The following CCNH variants were observed in gnomAD, a reference collection of about 807,000 sequenced individuals.
CCNH encodes the protein cyclin H.
A neutral mutation model predicts 41.9 loss-of-function variants in CCNH; 31 were observed. That is an observed-to-expected ratio of 0.74 (90% CI 0.56 to 1.00). The LOEUF (loss-of-function observed/expected upper bound fraction) is 1.00, where lower values mean the gene tolerates loss of function less well. CCNH is among the 50% of genes least tolerant of loss of function. The pLI is 0.00. For synonymous variants in CCNH, 138 were observed against 136.1 expected, an observed-to-expected ratio of 1.01 and a Z score of -0.10; for missense variants, 362 against 388.4, an observed-to-expected ratio of 0.93 and a Z score of 0.57.
At chr5:87,383,948 G>A (rs1051850099) in intron 9 of CCNH, among the ~76,000 whole-genome samples, 1 of 151,306 alleles carries the variant, frequency 6.6e-6, no homozygotes, top group Admixed American at 6.6e-5. Flanking sequence ...GTGCTTCTTG[G>A]GCTTTTTTCT....
intron 9 of CCNH, among the ~76,000 whole-genome samples, chr5:87,323,126 A>G (rs1756950163): frequency 6.6e-6 from 1 of 152,200 alleles, no homozygotes; most frequent in African/African-American, 2.4e-5. Flanking sequence ...ATGACTGTGA[A>G]TAAATACAGA....
At chr5:87,331,802 T>C (rs1042980227) in intron 9 of CCNH, among the ~76,000 whole-genome samples, 6 of 152,278 alleles carry the variant, frequency 3.9e-5, no homozygotes, top group Admixed American at 3.9e-4. Context: ...AATTGTATAC[T>C]TTTAGACTGC....
chr5:87,380,099 G>A (rs915919177), upstream of CCNH, among the ~76,000 whole-genome samples: 1 of 152,122 alleles, frequency 6.6e-6, no homozygotes, highest in African/African-American at 2.4e-5. Flanking sequence ...GAGGTTTATA[G>A]TTTCAGATTT....
At chr5:87,352,358 A>G (rs1759336849) in intron 9 of CCNH, among the ~76,000 whole-genome samples, 1 of 151,586 alleles carries the variant, frequency 6.6e-6, no homozygotes, top group Non-Finnish European at 1.5e-5. Flanking sequence ...GTTAAACAAA[A>G]TCTGTCTGGA....
chr5:87,362,883 TTTC>T, intron 9 of CCNH, among the ~76,000 whole-genome samples: 1 of 151,702 alleles, frequency 6.6e-6, no homozygotes, highest in Middle Eastern at 3.4e-3. Flanking sequence ...CTACCCATGG[TTTC>T]TTTTTTTCTT....
chr5:87,386,010 G>A (rs1389554620), intron 9 of CCNH, among the ~76,000 whole-genome samples: 4 of 151,852 alleles, frequency 2.6e-5, no homozygotes, highest in African/African-American at 7.2e-5. Flanking sequence ...AAGTAAATAC[G>A]TTTTAGGCTT....
Position 87,338,536 on chromosome 5 carries a change from A to ATATATATATATATATT in CCNH, c.*91-19640_*91-19639insAATATATATATATATA. The stretch of plus-strand genomic sequence containing the variant: ...ATATATATATATATATATATATAAA[A>ATATATATATATATATT]TTTTTTTTTTTTTTAAGTAGAAATG... On this transcript the variant is annotated intron_variant and NMD_transcript_variant, in intron 9 of 9. Coordinates refer to the CCNH transcript ENST00000645953. Among the ~76,000 whole-genome samples, 105 of 85,174 alleles carry ATATATATATATATATT rather than the reference A, an allele frequency of 1.2e-3. 7 individuals carry two copies. Among genetic ancestry groups the ATATATATATATATATT allele is most frequent in the East Asian group, 4.5e-3 (9 of 2,014 alleles). 55.9% of individuals were successfully genotyped at this position (85,174 alleles called of 152,430 possible).
downstream of CCNH, chr5:87,372,253 T>A (rs1761002936): frequency 3.4e-6 from 5 of 1,486,008 alleles, no homozygotes; most frequent in South Asian, 3.4e-5. Flanking sequence ...CACTTTGCTC[T>A]TTTTATTTTA....
At chr5:87,350,312 C>G (rs1453305334) in intron 9 of CCNH, among the ~76,000 whole-genome samples, 1 of 151,820 alleles carries the variant, frequency 6.6e-6, no homozygotes, top group African/African-American at 2.4e-5. Flanking sequence ...ACATGACAAT[C>G]TGAGTTCTAG....
intron 9 of CCNH, chr5:87,385,322 CA>C: frequency 6.2e-7 from 1 of 1,610,672 alleles, no homozygotes; most frequent in Non-Finnish European, 8.5e-7. Context: ...CCTATTGCTG[CA>C]AGAACACTGA....
chr5:87,373,588 A>G (rs997763813), downstream of CCNH, among the ~76,000 whole-genome samples: 1 of 152,172 alleles, frequency 6.6e-6, no homozygotes, highest in Non-Finnish European at 1.5e-5. Flanking sequence ...CAAGTAGTAT[A>G]TGGCAAGAGA....
intron 8 of CCNH, 60 bp downstream of exon 8, chr5:87,394,977 AACAGTAT>A: frequency 1.2e-6 from 2 of 1,605,818 alleles, no homozygotes; most frequent in South Asian, 2.2e-5. Context: ...AATAAATCTT[AACAGTAT>A]AGTCACACCA....
chr5:87,409,997 C>G (rs1764105457), intron 2 of CCNH, among the ~76,000 whole-genome samples: 1 of 152,108 alleles, frequency 6.6e-6, no homozygotes, highest in African/African-American at 2.4e-5. Flanking sequence ...GAGAAGGAAA[C>G]TGAGTATCAA....
At chr5:87,337,900 T>C in intron 9 of CCNH, 2 of 1,422,260 alleles carry the variant, frequency 1.4e-6, no homozygotes, top group Non-Finnish European at 9.5e-7. Context: ...CTATCCTATT[T>C]TGTGGTATAT....
downstream of CCNH, chr5:87,391,792 TCTGA>T (rs1359893662): frequency 1.5e-4 from 34 of 231,978 alleles, no homozygotes; most frequent in African/African-American, 6.2e-4. Flanking sequence ...TCTTTGAACT[TCTGA>T]CTACTTGTTG....
rs1413047633 is a variant in CCNH at position 87,332,360 on chromosome 5, GATA to G, written c.*91-13466_*91-13464del. ...GCCCCAAGTAATTTACTGTGATGAA[GATA>G]CTAATAAGTGGTATTTTAGTATAAG... On this transcript the variant is annotated intron_variant and NMD_transcript_variant, in intron 9 of 9. Transcript: ENST00000645953. 3.9e-6 allele frequency: 3 copies of G among 759,944 alleles called. No individual in the cohort carries two copies. In the African/African-American group the frequency reaches 5.3e-5, roughly 13 times the overall value. 47.1% of individuals were successfully genotyped at this position (759,944 alleles called of 1,614,324 possible).
rs78423267 is a variant in CCNH at position 87,323,381 on chromosome 5, A to C, written c.*91-4484T>G. On this transcript the variant is annotated intron_variant and NMD_transcript_variant, in intron 9 of 9. Coordinates refer to the CCNH transcript ENST00000645953. The stretch of plus-strand genomic sequence containing the variant: ...TGGGATATAAGCCTATGTATAGTAG[A>C]AAAATGGGCATATTGTGGAGAACTT... Among the ~76,000 whole-genome samples the C allele has an allele frequency of 2.2e-3, 338 of 152,346 alleles. 11 individuals are homozygous for C. The East Asian group carries it at 0.049, about 22-fold the overall frequency.
chr5:87,320,875 A>G (rs572906366), intron 9 of CCNH, among the ~76,000 whole-genome samples: 104 of 152,382 alleles, frequency 6.8e-4, no homozygotes, highest in African/African-American at 2.5e-3. Flanking sequence ...AAAACAAGGT[A>G]GTATTTGTAG....
intron 1 of CCNH, among the ~76,000 whole-genome samples, chr5:87,412,035 T>C (rs1316569144): frequency 6.6e-6 from 1 of 152,242 alleles, no homozygotes; most frequent in Non-Finnish European, 1.5e-5. Flanking sequence ...ACTTGGTCTC[T>C]GGTCTCCCTC....
Sources: allele counts gnomAD v4.1 joint callset (sites outside exome capture counted in the v4.1 genomes callset), GRCh38; gene constraint gnomAD v4.1.1; transcripts MANE v1.5; gene names NCBI Gene and HGNC (gene_info 2026-07-23, HGNC 2026-07-21).